SNTG1: variants seen among roughly 807,000 people sequenced by gnomAD.
SNTG1 encodes the protein gamma-1-syntrophin.
Under a neutral mutation model 74.7 loss-of-function variants are expected in SNTG1, and 39 were observed. The ratio of observed to expected loss-of-function variants is 0.52; its 90% confidence interval spans 0.40 to 0.68. SNTG1 has a LOEUF of 0.68. Among genes scored for constraint, SNTG1 ranks in the 30% least tolerant of loss-of-function variants. The pLI is 0.00. For synonymous variants in SNTG1, 254 were observed against 217.1 expected (o/e 1.17, Z -1.49); for missense variants, 685 against 609.5 (o/e 1.12, Z -1.30).
intron 2 of SNTG1, among the ~76,000 whole-genome samples, chr8:50,380,292 G>A (rs1039085339): frequency 6.6e-6 from 1 of 152,224 alleles, no homozygotes; most frequent in South Asian, 2.1e-4. Context: ...TGAGTTTGGA[G>A]AGAGGACCAA....
intron 11 of SNTG1, among the ~76,000 whole-genome samples, chr8:50,552,540 A>G (rs2094433250): frequency 6.6e-6 from 1 of 152,204 alleles, no homozygotes; most frequent in African/African-American, 2.4e-5. Context: ...GAAGATGAAC[A>G]GACTGAGAAT....
chr8:49,938,607 C>CTTTTTTTTTTTTCT (rs60669251), intron 1 of SNTG1, among the ~76,000 whole-genome samples: 4 of 27,876 alleles, frequency 1.4e-4, no homozygotes, highest in African/African-American at 3.8e-4. Context: ...CTTTTCTTTT[C>CTTTTTTTTTTTTCT]TTTCTTTCTT....
chr8:50,000,322 A>G (rs1307511894), intron 1 of SNTG1, among the ~76,000 whole-genome samples: 2 of 152,124 alleles, frequency 1.3e-5, no homozygotes, highest in East Asian at 3.9e-4. Context: ...ATCATCTAGT[A>G]TATTTCTAAA....
chr8:50,540,677 G>A (rs1422790512), intron 11 of SNTG1, among the ~76,000 whole-genome samples: 3 of 152,104 alleles, frequency 2.0e-5, no homozygotes, highest in Admixed American at 1.3e-4. Flanking sequence ...TATGTTGTCA[G>A]ATGCAAGTAG....
intron 8 of SNTG1, among the ~76,000 whole-genome samples, chr8:50,486,985 A>T (rs1482714453): frequency 6.6e-6 from 1 of 152,178 alleles, no homozygotes; most frequent in Non-Finnish European, 1.5e-5. Context: ...CCAGCCTTGC[A>T]TCACAGGGAT....
intron 8 of SNTG1, among the ~76,000 whole-genome samples, chr8:50,459,566 G>GT (rs1173080138): frequency 6.6e-6 from 1 of 151,952 alleles, no homozygotes; most frequent in African/African-American, 2.4e-5. Flanking sequence ...ACATGTGCAG[G>GT]TTTTTTACCT....
chr8:49,952,993 T>A (rs936180496), intron 1 of SNTG1, among the ~76,000 whole-genome samples: 1 of 152,210 alleles, frequency 6.6e-6, no homozygotes, highest in Non-Finnish European at 1.5e-5. Flanking sequence ...TTGCCTTCCA[T>A]GCAGAGATGC....
intron 2 of SNTG1, among the ~76,000 whole-genome samples, chr8:50,218,454 A>G (rs2084902837): frequency 6.6e-6 from 1 of 152,178 alleles, no homozygotes; most frequent in Non-Finnish European, 1.5e-5. Flanking sequence ...GTATTCATAA[A>G]TGCCTGCATT....
At chr8:50,783,329 T>C (rs2095665595) in intron 18 of SNTG1, among the ~76,000 whole-genome samples, 1 of 152,228 alleles carries the variant, frequency 6.6e-6, no homozygotes, top group African/African-American at 2.4e-5. Context: ...GCAGGCCTCC[T>C]TGAGCTATTG....
In SNTG1 at chr8:50,553,107, C is replaced by G; in HGVS notation, c.738C>G (p.Cys246Trp). The G allele has an allele frequency of 6.2e-7, 1 of 1,613,908 alleles. No homozygotes were observed. The highest frequency in any genetic ancestry group is 1.1e-5 in the South Asian group (1 of 91,074). Residue 246 changes from cysteine (C) to tryptophan (W), a missense_variant, in exon 12 of 19, where the codon TGC becomes TGG. Coordinates refer to ENST00000642720, the MANE Select transcript of SNTG1 (RefSeq NM_018967.5). ...GGGTCTGCACTGGGATTATTCAGTG[C>G]CTCTCTGCTGAAGACTGCGTTGACT... The part of the protein sequence containing the change: ...VDGVCTGIIQ[C>W]LSAEDCVDWL...
At chr8:50,624,320 C>CA (rs58970596) in intron 13 of SNTG1, among the ~76,000 whole-genome samples, 80 of 140,336 alleles carry the variant, frequency 5.7e-4, no homozygotes, top group East Asian at 1.2e-3. Context: ...GAAAGAAAAA[C>CA]AAAAAAAAAA....
rs117646770 is a variant in SNTG1, at chr8:50,739,587, G to A, written c.1285-12414G>A. 4.6e-3 allele frequency among the ~76,000 whole-genome samples: 694 copies of A among 151,576 alleles called. 3 individuals are homozygous for A. The highest frequency in any genetic ancestry group is 0.01 in the South Asian group (50 of 4,812). On this transcript the variant is annotated intron_variant, in intron 17 of 18. Coordinates refer to ENST00000642720, the MANE Select transcript of SNTG1 (RefSeq NM_018967.5). ...GTATATACTGGATGTGGGGCTGGGGGAGGGATAGCATTACGAGAAAACAAC... is the reference window on the plus strand; with the variant it reads ...GTATATACTGGATGTGGGGCTGGGGAAGGGATAGCATTACGAGAAAACAAC...
chr8:50,690,014 A>C (rs1489186250), intron 15 of SNTG1, among the ~76,000 whole-genome samples: 2 of 152,180 alleles, frequency 1.3e-5, no homozygotes, highest in Non-Finnish European at 2.9e-5. Context: ...CATTTCTTCT[A>C]GATTTTCTGA....
chr8:50,290,652 C>A (rs2089044015), intron 2 of SNTG1, among the ~76,000 whole-genome samples: 1 of 152,114 alleles, frequency 6.6e-6, no homozygotes, highest in South Asian at 2.1e-4. Context: ...TTTACATTTG[C>A]TTATTCCTAT....
At chr8:49,938,603 T>TTTTTTTTTTTTTTTC (rs1554524905) in intron 1 of SNTG1, among the ~76,000 whole-genome samples, 1 of 74,754 alleles carries the variant, frequency 1.3e-5, no homozygotes, top group Non-Finnish European at 2.7e-5. Context: ...TTTTCTTTTC[T>TTTTTTTTTTTTTTTC]TTTCTTTCTT....
chr8:49,948,713 A>G (rs1013578765), intron 1 of SNTG1, among the ~76,000 whole-genome samples: 1 of 152,136 alleles, frequency 6.6e-6, no homozygotes, highest in African/African-American at 2.4e-5. Flanking sequence ...TTCTTGGCTC[A>G]TTCATGATTG....
At chr8:50,669,473 A>C (rs1262310611) in intron 15 of SNTG1, among the ~76,000 whole-genome samples, 4 of 152,002 alleles carry the variant, frequency 2.6e-5, no homozygotes, top group South Asian at 2.1e-4. Flanking sequence ...CACATACACC[A>C]TCCCAAGACT....
At chr8:50,128,670 A>C (rs1213759118) in intron 1 of SNTG1, among the ~76,000 whole-genome samples, 2 of 152,148 alleles carry the variant, frequency 1.3e-5, no homozygotes, top group Non-Finnish European at 2.9e-5. Flanking sequence ...TTAGAATAAA[A>C]AAAAATAATT....
intron 17 of SNTG1, among the ~76,000 whole-genome samples, chr8:50,734,897 ACATATATATATC>A (rs2095523609): frequency 7.5e-6 from 1 of 133,132 alleles, no homozygotes; most frequent in African/African-American, 2.9e-5. Context: ...ATATATATGG[ACATATATATATC>A]TATATATATG....
Sources: allele counts gnomAD v4.1 joint callset (sites outside exome capture counted in the v4.1 genomes callset), GRCh38; gene constraint gnomAD v4.1.1; transcripts MANE v1.5; gene names NCBI Gene and HGNC (gene_info 2026-07-23, HGNC 2026-07-21).